RYR2: variants seen among roughly 807,000 people sequenced by gnomAD.
RYR2 encodes ryanodine receptor 2, also known as cardiac muscle ryanodine receptor-calcium release channel.
RYR2 carries 227 observed loss-of-function variants against 601.1 expected under a neutral mutation model. The ratio of observed to expected loss-of-function variants is 0.38; its 90% CI spans 0.34 to 0.42. The LOEUF is 0.42. Ranked by LOEUF, RYR2 falls within the 10% of genes least tolerant of loss-of-function variation. The pLI, the probability that RYR2 is intolerant of heterozygous loss-of-function variation, is 1.00. For synonymous variants in RYR2, 2,223 were observed against 2,175.1 expected (o/e 1.02, Z -0.61); for missense variants, 4,646 against 6,156.5 (o/e 0.75, Z 8.21).
intron 1 of RYR2, among the ~76,000 whole-genome samples, chr1:237,208,936 GTATATATATA>G (rs56133827): frequency 0.037 from 3,291 of 89,596 alleles, 86 homozygotes; most frequent in African/African-American, 0.061. Context: ...ATGTGTGTGT[GTATATATATA>G]TATATATATA....
chr1:237,511,315 A>T (rs909196562), intron 23 of RYR2, among the ~76,000 whole-genome samples: 19 of 143,286 alleles, frequency 1.3e-4, no homozygotes, highest in South Asian at 6.8e-4. Context: ...AAAAAAAAAA[A>T]GAGTAAGCTG....
At chr1:237,568,517 G>A (rs1452753536) in intron 28 of RYR2, among the ~76,000 whole-genome samples, 3 of 152,116 alleles carry the variant, frequency 2.0e-5, no homozygotes, top group Non-Finnish European at 4.4e-5. Context: ...AAAAAGGTTG[G>A]CATCTATATT....
chr1:237,666,929 G>T (rs1423929086), intron 57 of RYR2, among the ~76,000 whole-genome samples: 1 of 151,780 alleles, frequency 6.6e-6, no homozygotes, highest in Non-Finnish European at 1.5e-5. Context: ...AAAAAAAGTT[G>T]ATACAACTTT....
In RYR2 at chr1:237,707,388, A is replaced by G. The variant is rs564736963; in HGVS notation, c.9901+119A>G. The G allele has an allele frequency of 7.4e-5, 41 of 556,200 alleles. No homozygotes were observed. The East Asian group carries it at 9.6e-4, about 13-fold the overall frequency. The allele number at this position is 556,200 out of a possible 1,614,324, so 34.5% of individuals were successfully genotyped here. On this transcript the variant is annotated intron_variant, in intron 68 of 104. Transcript: ENST00000366574. ...TTATTAATATTTTCTTTACTCAAAA[A>G]TATTAGTATTTGTCATGCTATTTTT... is the stretch of plus-strand genomic sequence containing the variant.
intron 37 of RYR2, among the ~76,000 whole-genome samples, chr1:237,616,278 G>T (rs1031993494): frequency 6.6e-6 from 1 of 152,290 alleles, no homozygotes; most frequent in Non-Finnish European, 1.5e-5. Context: ...TGAGTGTATA[G>T]ATTTTTTTAA....
intron 41 of RYR2, among the ~76,000 whole-genome samples, chr1:237,629,197 G>T (rs1371018319): frequency 6.6e-6 from 1 of 151,942 alleles, no homozygotes; most frequent in Non-Finnish European, 1.5e-5. Flanking sequence ...AGCTTATATA[G>T]TTCGGGGATT....
chr1:237,316,533 G>A (rs183222629), intron 2 of RYR2, among the ~76,000 whole-genome samples: 152 of 152,178 alleles, frequency 1.0e-3, no homozygotes, highest in Non-Finnish European at 3.7e-4. Context: ...GTTTGCTCTC[G>A]ACAGATGTAT....
At chr1:237,609,154 CTCTT>C (rs1385912481) in intron 35 of RYR2, among the ~76,000 whole-genome samples, 1 of 56,904 alleles carries the variant, frequency 1.8e-5, no homozygotes, top group Non-Finnish European at 4.7e-5. Flanking sequence ...CTCTCTTTTT[CTCTT>C]TCTCTCTCCT....
chr1:237,493,163 T>C, intron 19 of RYR2, 76 bp downstream of exon 19: 1 of 1,523,734 alleles, frequency 6.6e-7, no homozygotes, highest in South Asian at 1.2e-5. Flanking sequence ...TAGCTGATAC[T>C]ATATGGTCTG....
intron 10 of RYR2, among the ~76,000 whole-genome samples, chr1:237,406,926 G>A (rs576967650): frequency 6.6e-6 from 1 of 152,214 alleles, no homozygotes; most frequent in South Asian, 2.1e-4. Context: ...CTAATAACAT[G>A]TATCCACAAT....
At chr1:237,140,685 A>G (rs567658538) in intron 1 of RYR2, among the ~76,000 whole-genome samples, 8 of 152,328 alleles carry the variant, frequency 5.3e-5, no homozygotes, top group African/African-American at 1.9e-4. Flanking sequence ...AATTTTAGGA[A>G]TTTGGAATTA....
At chr1:237,704,380 T>C (rs1384233983) in intron 66 of RYR2, among the ~76,000 whole-genome samples, 1 of 152,148 alleles carries the variant, frequency 6.6e-6, no homozygotes, top group Non-Finnish European at 1.5e-5. Context: ...TTATTAACTA[T>C]TTATTTTATT....
chr1:237,261,977 G>A (rs527604673), intron 1 of RYR2, among the ~76,000 whole-genome samples: 3 of 151,932 alleles, frequency 2.0e-5, no homozygotes, highest in South Asian at 2.1e-4. Context: ...TAATGAGTTC[G>A]GGGATCTTTT....
At chr1:237,425,552 T>G (rs902266469) in intron 12 of RYR2, among the ~76,000 whole-genome samples, 2 of 151,854 alleles carry the variant, frequency 1.3e-5, no homozygotes, top group African/African-American at 4.8e-5. Context: ...GAGAATCGCT[T>G]GAACTCGGGA....
chr1:237,217,464 G>T (rs1227591652), intron 1 of RYR2, among the ~76,000 whole-genome samples: 3 of 151,994 alleles, frequency 2.0e-5, no homozygotes, highest in African/African-American at 4.8e-5. Flanking sequence ...ATGTCAGTTT[G>T]CCTGACTTTG....
At chr1:237,433,939 G>A (rs554061747) in intron 12 of RYR2, among the ~76,000 whole-genome samples, 2 of 152,264 alleles carry the variant, frequency 1.3e-5, no homozygotes, top group African/African-American at 4.8e-5. Flanking sequence ...TGAACTGACT[G>A]CTGGTTGACA....
At position 237,537,405 on chromosome 1, in the gene RYR2, C is replaced by T. The variant is rs559485564; in HGVS notation, c.2906+6895C>T. On this transcript the variant is annotated intron_variant, in intron 25 of 104. Coordinates refer to ENST00000366574, the MANE Select transcript of RYR2 (RefSeq NM_001035.3). ...GTAGCACAATCTTGGCTCGCTGCAA[C>T]CTCCGCCTCCCGGGTTCAAGCAATT... is the stretch of plus-strand genomic sequence containing the variant. Among the ~76,000 whole-genome samples, 372 of 152,224 alleles carry T rather than the reference C, an allele frequency of 2.4e-3. 2 individuals carry two copies. The highest frequency in any genetic ancestry group is 8.4e-3 in the African/African-American group (348 of 41,546).
intron 2 of RYR2, among the ~76,000 whole-genome samples, chr1:237,278,273 TAGAGATAGG>T (rs1690500296): frequency 9.9e-6 from 1 of 101,316 alleles, no homozygotes; most frequent in Non-Finnish European, 2.0e-5. Context: ...TTTTTTTTTG[TAGAGATAGG>T]GTTTCACTGT....
chr1:237,280,495 AT>A (rs1690744266), intron 2 of RYR2, among the ~76,000 whole-genome samples: 1 of 152,150 alleles, frequency 6.6e-6, no homozygotes, highest in Admixed American at 6.5e-5. Flanking sequence ...CAATAACTAT[AT>A]TTTTCAATAT....
Sources: allele counts gnomAD v4.1 joint callset (sites outside exome capture counted in the v4.1 genomes callset), GRCh38; gene constraint gnomAD v4.1.1; transcripts MANE v1.5; gene names NCBI Gene and HGNC (gene_info 2026-07-23, HGNC 2026-07-21).